The following CIMIP2C variants were observed in gnomAD, a reference collection of about 807,000 sequenced individuals.
The protein encoded by CIMIP2C is UPF0573 protein C2orf70.
chr2:26,562,694 C>T, the CIMIP2C span: 2,443 of 1,562,008 alleles, frequency 1.6e-3, 24 homozygotes, highest in African/African-American at 0.027. Flanking sequence ...CGGGTAAGGC[C>T]GAGGGAGCGC....
the CIMIP2C span, among the ~76,000 whole-genome samples, chr2:26,570,808 C>T: frequency 2.6e-5 from 4 of 152,154 alleles, no homozygotes; most frequent in South Asian, 6.2e-4. Flanking sequence ...GGGTGATGCT[C>T]CATTTAGACC....
chr2:26,570,205 GA>G, the CIMIP2C span, among the ~76,000 whole-genome samples: 1 of 152,340 alleles, frequency 6.6e-6, no homozygotes, highest in South Asian at 2.1e-4. Flanking sequence ...AGCAGAGGAG[GA>G]GTATGGCAGA....
At chr2:26,572,349 G>GTTTT in the CIMIP2C span, among the ~76,000 whole-genome samples, 1 of 138,658 alleles carries the variant, frequency 7.2e-6, no homozygotes. Context: ...TACTGAGTTG[G>GTTTT]TTTTTTTTTT....
At chr2:26,578,029 C>A in the CIMIP2C span, 8 of 185,774 alleles carry the variant, frequency 4.3e-5, no homozygotes, top group Non-Finnish European at 8.8e-5. Context: ...GGCACTACAC[C>A]GAGCAGGAAT....
chr2:26,565,319 G>A, the CIMIP2C span, among the ~76,000 whole-genome samples: 1 of 152,156 alleles, frequency 6.6e-6, no homozygotes, highest in African/African-American at 2.4e-5. Context: ...TCGAACTCCT[G>A]ACCTCAGATG....
chr2:26,570,099 GA>G, the CIMIP2C span, among the ~76,000 whole-genome samples: 1 of 152,252 alleles, frequency 6.6e-6, no homozygotes, highest in Non-Finnish European at 1.5e-5. Flanking sequence ...GCCCTGAACA[GA>G]AGCCAGGCAG....
At chr2:26,572,086 C>CT in the CIMIP2C span, 1 of 1,540,394 alleles carries the variant, frequency 6.5e-7, no homozygotes, top group Admixed American at 2.1e-5. Context: ...TTATGTTGTA[C>CT]TTTTTTCTAA....
At chr2:26,576,180 G>A in the CIMIP2C span, 1 of 1,609,326 alleles carries the variant, frequency 6.2e-7, no homozygotes, top group Non-Finnish European at 8.5e-7. Context: ...TACCAGGTAA[G>A]CTGTGTGGGG....
At chr2:26,576,206 C>A in the CIMIP2C span, 1 of 1,589,610 alleles carries the variant, frequency 6.3e-7, no homozygotes. Context: ...CTGTGGCCTC[C>A]CCTCCTGCCC....
the CIMIP2C span, chr2:26,578,932 G>A: frequency 6.2e-6 from 3 of 480,746 alleles, no homozygotes; most frequent in South Asian, 4.6e-5. Context: ...TAGAACATTT[G>A]TTGTGTGTTT....
At chr2:26,571,322 C>T in the CIMIP2C span, among the ~76,000 whole-genome samples, 1 of 152,186 alleles carries the variant, frequency 6.6e-6, no homozygotes, top group Non-Finnish European at 1.5e-5. Flanking sequence ...CCCCAGTGGA[C>T]ACTTGTCATG....
At chr2:26,579,449 T>C in the CIMIP2C span, 2 of 1,612,738 alleles carry the variant, frequency 1.2e-6, no homozygotes, top group Non-Finnish European at 1.7e-6. Context: ...GACTTTTAGT[T>C]CAGAGCAGAG....
chr2:26,570,604 G>A, the CIMIP2C span, among the ~76,000 whole-genome samples: 1 of 152,204 alleles, frequency 6.6e-6, no homozygotes. Context: ...TTAGGAGTGG[G>A]TGGCAGATCC....
chr2:26,569,204 C>T, the CIMIP2C span, among the ~76,000 whole-genome samples: 12 of 151,496 alleles, frequency 7.9e-5, no homozygotes, highest in African/African-American at 2.7e-4. Flanking sequence ...GTGGGAAGTG[C>T]GGAGAGCAGA....
At chr2:26,576,616 G>A in the CIMIP2C span, among the ~76,000 whole-genome samples, 1 of 152,140 alleles carries the variant, frequency 6.6e-6, no homozygotes, top group Admixed American at 6.5e-5. Context: ...CCCAGTTCCA[G>A]CCCCACGGCA....
chr2:26,576,202 C>T, the CIMIP2C span: 13 of 1,593,584 alleles, frequency 8.2e-6, no homozygotes, highest in Non-Finnish European at 1.1e-5. Flanking sequence ...TGCCCTGTGG[C>T]CTCCCCTCCT....
At chr2:26,572,222 G>T in the CIMIP2C span, 1 of 1,412,762 alleles carries the variant, frequency 7.1e-7, no homozygotes, top group Non-Finnish European at 9.5e-7. Flanking sequence ...TACTTTGACA[G>T]GTTTTATAAC....
the CIMIP2C span, chr2:26,562,710 C>G: frequency 2.6e-6 from 4 of 1,548,774 alleles, 1 homozygote; most frequent in East Asian, 9.7e-5. Flanking sequence ...AGCGCCTCCT[C>G]CCCTCCCCCT....
the CIMIP2C span, among the ~76,000 whole-genome samples, chr2:26,569,373 C>T: frequency 6.6e-6 from 1 of 152,218 alleles, no homozygotes; most frequent in African/African-American, 2.4e-5. Context: ...GAGGCCCTGG[C>T]GCGGAGGGAC....
Sources: allele counts gnomAD v4.1 joint callset (sites outside exome capture counted in the v4.1 genomes callset), GRCh38; gene constraint gnomAD v4.1.1; transcripts MANE v1.5; gene names NCBI Gene and HGNC (gene_info 2026-07-23, HGNC 2026-07-21).